The following TCF4 variants were observed in gnomAD, a reference collection of about 807,000 sequenced individuals.
The protein encoded by TCF4 is transcription factor 4, also known as SL3-3 enhancer factor 2.
In TCF4, 3 loss-of-function variants were observed where a neutral mutation model predicts 82.1. The observed-to-expected ratio is 0.04, with a 90% confidence interval of 0.02 to 0.09. The LOEUF (loss-of-function observed/expected upper bound fraction) is 0.09. Ranked by LOEUF, TCF4 falls within the 10% of genes least tolerant of loss-of-function variation. The pLI, the probability that TCF4 is intolerant of heterozygous loss-of-function variation, is 1.00. For synonymous variants in TCF4, 276 were observed against 309.6 expected (o/e 0.89, Z 1.14); for missense variants, 518 against 852.7 (o/e 0.61, Z 4.89).
intron 5 of TCF4, among the ~76,000 whole-genome samples, chr18:55,423,000 C>A (rs549993452): frequency 6.6e-6 from 1 of 151,850 alleles, no homozygotes; most frequent in Non-Finnish European, 1.5e-5. Flanking sequence ...CACACACACA[C>A]GCACATGCTC....
intron 8 of TCF4, among the ~76,000 whole-genome samples, chr18:55,288,456 T>G (rs1214801711): frequency 6.6e-6 from 1 of 152,212 alleles, no homozygotes; most frequent in African/African-American, 2.4e-5. Context: ...GCTAATAAAC[T>G]GGCAAAACTG....
In TCF4 at chr18:55,232,545, T is replaced by G; in HGVS notation, c.1613A>C (p.Lys538Thr). Residue 538 changes from lysine (K) to threonine (T), a missense_variant, in exon 17 of 20, where the codon AAG becomes ACG. Transcript: ENST00000354452. The stretch of plus-strand genomic sequence containing the variant: ...CCTAGTAATTGATTTGATATCCTTC[T>G]TGTCGTCATCTAATTTCTTGTCCTC... ...SSEDKKLDDD[K>T]KDIKSITRSR... The G allele has an allele frequency of 6.2e-7, 1 of 1,614,230 alleles. No individual in the cohort carries two copies. Among genetic ancestry groups the G allele is most frequent in the Non-Finnish European group, 8.5e-7 (1 of 1,180,034 alleles).
intron 6 of TCF4, chr18:55,351,887 C>T: frequency 1.1e-6 from 1 of 879,768 alleles, no homozygotes; most frequent in Non-Finnish European, 1.4e-6. Flanking sequence ...TAGATAGTAC[C>T]ATTTATATTA....
intron 8 of TCF4, chr18:55,322,297 C>A: frequency 1.9e-6 from 2 of 1,045,706 alleles, no homozygotes; most frequent in Non-Finnish European, 2.3e-6. Flanking sequence ...AAGCGAGTGG[C>A]AGGAAGGGAA....
chr18:55,500,257 C>T (rs1395641044), intron 3 of TCF4, among the ~76,000 whole-genome samples: 1 of 152,178 alleles, frequency 6.6e-6, no homozygotes, highest in African/African-American at 2.4e-5. Flanking sequence ...AAGTCAGAAG[C>T]TCTTACCCCT....
chr18:55,333,506 C>T (rs567637535), intron 8 of TCF4, among the ~76,000 whole-genome samples: 12 of 152,104 alleles, frequency 7.9e-5, no homozygotes, highest in East Asian at 1.9e-4. Flanking sequence ...AACTCACCTC[C>T]GCATTCCCCA....
At chr18:55,516,737 C>G (rs987174488) in intron 3 of TCF4, among the ~76,000 whole-genome samples, 18 of 151,960 alleles carry the variant, frequency 1.2e-4, no homozygotes, top group African/African-American at 4.4e-4. Flanking sequence ...ATGTGAAGAC[C>G]CTGAGGTGGG....
chr18:55,423,427 GCACACA>G (rs758850356), intron 5 of TCF4: 68 of 106,094 alleles, frequency 6.4e-4, no homozygotes, highest in South Asian at 2.3e-3. Flanking sequence ...ACGCGCGCGC[GCACACA>G]CACACACACA....
intron 5 of TCF4, 113 bp downstream of exon 5, chr18:55,460,906 T>C: frequency 1.1e-6 from 1 of 877,662 alleles, no homozygotes; most frequent in Non-Finnish European, 1.9e-6. Flanking sequence ...ACAAGTGAAC[T>C]GACTAAATAT....
rs775288331 is a variant in TCF4 at position 55,227,763 on chromosome 18, C to A, written c.*272G>T. The A allele has an allele frequency of 3.3e-5, 6 of 179,262 alleles. No individual in the cohort carries two copies. The highest frequency in any genetic ancestry group is 7.1e-5 in the Non-Finnish European group (6 of 84,532). 11.1% of individuals were successfully genotyped at this position (179,262 alleles called of 1,614,324 possible). A position where few individuals can be genotyped will look rare whatever the true frequency, so the allele number is the denominator to read the frequency against. ...GCCGTTCAGTCTCTGGGCTGTGTCT[C>A]AGCCTGTACATACTGCTTTGCACAT... On this transcript the variant is annotated 3_prime_UTR_variant, in exon 20 of 20. Transcript: ENST00000354452.
intron 5 of TCF4, among the ~76,000 whole-genome samples, chr18:55,454,145 G>C (rs945043596): frequency 2.6e-5 from 4 of 152,146 alleles, no homozygotes; most frequent in Non-Finnish European, 5.9e-5. Flanking sequence ...TTACAGGCAT[G>C]AGGCACTATG....
chr18:55,377,166 T>C (rs543821674), intron 6 of TCF4, among the ~76,000 whole-genome samples: 1 of 152,338 alleles, frequency 6.6e-6, no homozygotes, highest in East Asian at 1.9e-4. Flanking sequence ...TCTGATTCAC[T>C]TGATGAGCTT....
intron 5 of TCF4, among the ~76,000 whole-genome samples, chr18:55,420,920 CATT>C (rs1446811401): frequency 3.5e-5 from 5 of 142,336 alleles, no homozygotes; most frequent in African/African-American, 1.3e-4. Flanking sequence ...AAAAAAGAAA[CATT>C]ATCTTGAGCA....
intron 5 of TCF4, among the ~76,000 whole-genome samples, chr18:55,424,275 A>G (rs999361590): frequency 1.3e-5 from 2 of 152,192 alleles, no homozygotes; most frequent in African/African-American, 4.8e-5. Flanking sequence ...GTTACCCACA[A>G]GCTTCCAAGG....
intron 3 of TCF4, among the ~76,000 whole-genome samples, chr18:55,493,176 C>T (rs1218688256): frequency 3.3e-5 from 5 of 152,090 alleles, no homozygotes; most frequent in Admixed American, 1.3e-4. Flanking sequence ...AGAAAACTGT[C>T]CTAAACAAAG....
chr18:55,272,473 A>G (rs1411648901), intron 10 of TCF4, among the ~76,000 whole-genome samples: 1 of 152,072 alleles, frequency 6.6e-6, no homozygotes, highest in Non-Finnish European at 1.5e-5. Flanking sequence ...GAGGCTTTAC[A>G]TGCCCACTAT....
intron 5 of TCF4, among the ~76,000 whole-genome samples, chr18:55,451,814 CA>C (rs1291712545): frequency 6.6e-6 from 1 of 152,126 alleles, no homozygotes; most frequent in Non-Finnish European, 1.5e-5. Context: ...AGGGCTTATG[CA>C]AAATTCAGAG....
chr18:55,546,754 G>C (rs891848893), intron 3 of TCF4: 1 of 152,176 alleles, frequency 6.6e-6, no homozygotes, highest in Non-Finnish European at 1.5e-5. Flanking sequence ...AGCTTTGAAG[G>C]CTGTAATAAT....
chr18:55,250,642 A>G (rs148187944), intron 15 of TCF4, among the ~76,000 whole-genome samples: 1 of 152,204 alleles, frequency 6.6e-6, no homozygotes, highest in Non-Finnish European at 1.5e-5. Context: ...AAGACTGCCT[A>G]AGACAACACA....
Sources: allele counts gnomAD v4.1 joint callset (sites outside exome capture counted in the v4.1 genomes callset), GRCh38; gene constraint gnomAD v4.1.1; transcripts MANE v1.5; gene names NCBI Gene and HGNC (gene_info 2026-07-23, HGNC 2026-07-21).